The following SYCP2L variants were observed in gnomAD, a reference collection of about 807,000 sequenced individuals.
SYCP2L encodes the protein synaptonemal complex protein 2-like.
SYCP2L carries 98 observed loss-of-function variants against 125.8 expected under a neutral mutation model. That is an observed-to-expected ratio of 0.78 (90% CI 0.66 to 0.92). SYCP2L has a LOEUF of 0.92. SYCP2L is among the 40% of genes least tolerant of loss of function. The pLI, the probability that SYCP2L is intolerant of heterozygous loss-of-function variation, is 0.00. For missense variants in SYCP2L, 842 were observed against 936.4 expected (o/e 0.90, Z 1.32); for synonymous variants, 317 against 325.4 (o/e 0.97, Z 0.28).
chr6:10,958,698 G>T, intron 25 of SYCP2L, 86 bp from the exon 26 acceptor site: 1 of 1,233,654 alleles, frequency 8.1e-7, no homozygotes, highest in South Asian at 1.4e-5. Context: ...ATTACATGCT[G>T]GCAGCATCTT....
chr6:10,973,532 A>AAATAAT (rs371335747), intron 29 of SYCP2L, among the ~76,000 whole-genome samples: 1 of 151,960 alleles, frequency 6.6e-6, no homozygotes, highest in Non-Finnish European at 1.5e-5. Flanking sequence ...CTCCATCTCA[A>AAATAAT]AATAATAATA....
chr6:10,934,652 C>T (rs1781060908), intron 20 of SYCP2L, among the ~76,000 whole-genome samples: 1 of 152,172 alleles, frequency 6.6e-6, no homozygotes, highest in Admixed American at 6.5e-5. Flanking sequence ...TGCACTCTAG[C>T]CTGGGTGACA....
intron 28 of SYCP2L, 63 bp from the exon 29 acceptor site, chr6:10,963,719 G>T: frequency 3.3e-6 from 5 of 1,521,750 alleles, no homozygotes; most frequent in Non-Finnish European, 3.6e-6. Flanking sequence ...GTATCTAGAT[G>T]TATGTTCTTG....
At chr6:10,891,864 C>T (rs1032229915) in intron 2 of SYCP2L, among the ~76,000 whole-genome samples, 4 of 152,056 alleles carry the variant, frequency 2.6e-5, no homozygotes, top group Admixed American at 6.6e-5. Context: ...TATCTTGTGC[C>T]CTGTGCAGAT....
intron 29 of SYCP2L, among the ~76,000 whole-genome samples, chr6:10,970,128 G>C (rs1781746894): frequency 6.6e-6 from 1 of 152,324 alleles, no homozygotes; most frequent in South Asian, 2.1e-4. Context: ...TCACAGCGTG[G>C]AAGGAGGAAA....
Position 10,938,795 on chromosome 6 carries a change from G to A in SYCP2L, c.1813+3608G>A, listed in dbSNP as rs147043045. On this transcript the variant is annotated intron_variant, in intron 21 of 29. Transcript: ENST00000283141. ...AAAACAAAAATCAGTTGCATTTCTA[G>A]ACACTAACAGTAAACTGTCTAAGAA... Among the ~76,000 whole-genome samples, 542 of 152,226 alleles carry A rather than the reference G, an allele frequency of 3.6e-3. 2 individuals are homozygous for A. Among genetic ancestry groups the A allele is most frequent in the African/African-American group, 0.012 (496 of 41,542 alleles).
intron 29 of SYCP2L, among the ~76,000 whole-genome samples, chr6:10,964,118 C>T (rs145563532): frequency 0.029 from 4,363 of 152,006 alleles, 195 homozygotes; most frequent in East Asian, 0.22. Context: ...CCACCACGCC[C>T]GGCTAATTTT....
chr6:10,947,305 G>C (rs1781332646), intron 23 of SYCP2L, among the ~76,000 whole-genome samples: 1 of 151,944 alleles, frequency 6.6e-6, no homozygotes. Context: ...TTTAGACCAA[G>C]TTGATCAAGT....
rs1453031467 is a variant in SYCP2L, at chr6:10,912,027, G to A, written c.919-646G>A. Among the ~76,000 whole-genome samples the A allele has an allele frequency of 1.4e-5, 2 of 146,362 alleles. No homozygotes were observed. Among genetic ancestry groups the A allele is most frequent in the African/African-American group, 5.1e-5 (2 of 39,404 alleles). ...TGCCATTCTCCTGCCTCAGCCTCCC[G>A]AGTATACTTGTTGATACATGTCTAG... On this transcript the variant is annotated intron_variant, in intron 12 of 29. Transcript: ENST00000283141. The surrounding 1 kb of genome is among the most constrained non-coding windows in gnomAD (Gnocchi z 4.1).
At chr6:10,903,522 TGA>T (rs1780426344) in intron 8 of SYCP2L, among the ~76,000 whole-genome samples, 1 of 152,060 alleles carries the variant, frequency 6.6e-6, no homozygotes, top group Non-Finnish European at 1.5e-5. Context: ...TGCTCCAGCC[TGA>T]GGGTGACAGA....
intron 29 of SYCP2L, among the ~76,000 whole-genome samples, chr6:10,971,983 A>G (rs1781783230): frequency 6.6e-6 from 1 of 152,194 alleles, no homozygotes. Context: ...GCCTATAAAT[A>G]TGTATTAATT....
intron 15 of SYCP2L, 123 bp from the exon 16 acceptor site, chr6:10,926,216 C>A: frequency 1.4e-6 from 1 of 727,760 alleles, no homozygotes; most frequent in Non-Finnish European, 2.3e-6. Flanking sequence ...AGAGGACAAA[C>A]TGGTAAACTT....
chr6:10,964,199 C>T (rs1781641372), intron 29 of SYCP2L, among the ~76,000 whole-genome samples: 1 of 152,124 alleles, frequency 6.6e-6, no homozygotes, highest in African/African-American at 2.4e-5. Context: ...CCATGTGATC[C>T]GCCTGTCCTG....
In SYCP2L at chr6:10,910,193, C is replaced by G. The variant is rs765169530; in HGVS notation, c.865C>G (p.Gln289Glu). Residue 289 changes from glutamine to glutamate, a missense_variant, in exon 11 of 30, where the codon CAA becomes GAA. Physicochemically the swap from Gln to Glu is conservative, Grantham distance 29. Coordinates refer to ENST00000283141, the MANE Select transcript of SYCP2L (RefSeq NM_001040274.3). The stretch of plus-strand genomic sequence containing the variant: ...TCACCTAAACAACAGACTTGGTGAC[C>G]AAAGAAGGTAAGTTGTGTCTCTGAG... ...LNHLNNRLGD[Q>E]RRVYSFPCIA... The G allele has an allele frequency of 2.0e-5, 33 of 1,613,188 alleles. No individual in the cohort carries two copies. Among genetic ancestry groups the G allele is most frequent in the Non-Finnish European group, 2.6e-5 (31 of 1,179,634 alleles).
At chr6:10,948,812 TGGGAATTTG>T (rs1316420527) in intron 23 of SYCP2L, among the ~76,000 whole-genome samples, 2 of 152,138 alleles carry the variant, frequency 1.3e-5, no homozygotes, top group Non-Finnish European at 2.9e-5. Flanking sequence ...TAAAACCACC[TGGGAATTTG>T]GGGAATTTGG....
intron 25 of SYCP2L, among the ~76,000 whole-genome samples, chr6:10,958,119 G>T (rs564332020): frequency 6.6e-6 from 1 of 152,020 alleles, no homozygotes; most frequent in East Asian, 1.9e-4. Flanking sequence ...ATTAGTAATA[G>T]AAATTTATTC....
intron 9 of SYCP2L, among the ~76,000 whole-genome samples, chr6:10,906,874 C>T (rs530113119): frequency 1.3e-5 from 2 of 151,166 alleles, no homozygotes; most frequent in Non-Finnish European, 3.0e-5. Flanking sequence ...GCTGGGATTA[C>T]AGGCATGAGC....
At chr6:10,934,551 G>C (rs1055793943) in intron 20 of SYCP2L, among the ~76,000 whole-genome samples, 1 of 152,196 alleles carries the variant, frequency 6.6e-6, no homozygotes, top group Admixed American at 6.5e-5. Context: ...GTGGTGGCGC[G>C]TGCCTATGAT....
intron 9 of SYCP2L, among the ~76,000 whole-genome samples, chr6:10,907,114 T>C (rs755582066): frequency 6.6e-6 from 1 of 151,990 alleles, no homozygotes; most frequent in Non-Finnish European, 1.5e-5. Flanking sequence ...GAGGCCGAGG[T>C]GGGCAGATTG....
Sources: gnomAD v4.1 joint callset for allele counts (sites outside exome capture counted in the v4.1 genomes callset) on GRCh38, gnomAD v4.1.1 for gene constraint, Gnocchi (gnomAD v3.1) non-coding constraint, MANE v1.5 for transcripts, NCBI Gene and HGNC (gene_info 2026-07-23, HGNC 2026-07-21) for gene names.